Variants in WDPCP observed in about 807,000 individuals in gnomAD.
WDPCP encodes WD repeat containing planar cell polarity effector.
Under a neutral mutation model 93.1 loss-of-function variants are expected in WDPCP, and 71 were observed. The ratio of observed to expected loss-of-function variants is 0.76; its 90% confidence interval spans 0.63 to 0.93. The LOEUF (loss-of-function observed/expected upper bound fraction) is 0.93. Ranked by LOEUF, WDPCP falls within the 40% of genes least tolerant of loss-of-function variation. WDPCP has a pLI of 0.00. For missense variants in WDPCP, 844 were observed against 887.4 expected (o/e 0.95, Z 0.62); for synonymous variants, 315 against 315.0 (o/e 1.00, Z 0.00).
At chr2:63,275,428 G>C (rs1683007663) in intron 13 of WDPCP, among the ~76,000 whole-genome samples, 1 of 152,166 alleles carries the variant, frequency 6.6e-6, no homozygotes, top group Admixed American at 6.5e-5. Flanking sequence ...AGTACTGTAA[G>C]TACTAGCTAG....
chr2:63,178,875 G>A (rs941570292), intron 14 of WDPCP, among the ~76,000 whole-genome samples: 13 of 151,850 alleles, frequency 8.6e-5, no homozygotes, highest in African/African-American at 3.1e-4. Context: ...TTTTCACTGC[G>A]TCTCACAAGT....
rs138060256 is a variant in WDPCP at position 63,312,887 on chromosome 2, C to G, written c.1812+361G>C. Among the ~76,000 whole-genome samples the G allele has an allele frequency of 4.6e-5, 7 of 152,056 alleles. No individual in the cohort carries two copies. In the East Asian group the frequency reaches 1.4e-3, roughly 29 times the overall value. ...CGAGATCTGTGGGACATCTTTTGCC[C>G]TATGTCCTGGATTCTATAGCTTTTC... On this transcript the variant is annotated intron_variant, in intron 13 of 17. Coordinates refer to ENST00000272321, the MANE Select transcript of WDPCP (RefSeq NM_015910.7).
rs1184555928 is a variant in WDPCP, at chr2:63,643,879, CA to C, written n.488+6779del. 3.2e-5 allele frequency: 17 copies of C among 533,450 alleles called. No homozygotes were observed. In the African/African-American group the frequency reaches 3.3e-4, roughly 10 times the overall value. The allele number at this position is 533,450 out of a possible 1,614,324, so 33.0% of individuals were successfully genotyped here. A position where few individuals can be genotyped will look rare whatever the true frequency, so the allele number is the denominator to read the frequency against. ...AAATCTTCTTTACTTCATCTCCTGT[CA>C]AGGCATACTTAAGTCTGTTCCTTAG... On this transcript the variant is annotated intron_variant and non_coding_transcript_variant, in intron 3 of 4. Transcript: ENST00000467687.
intron 2 of WDPCP, among the ~76,000 whole-genome samples, chr2:63,690,590 C>T (rs1668875985): frequency 6.6e-6 from 1 of 151,866 alleles, no homozygotes; most frequent in Non-Finnish European, 1.5e-5. Flanking sequence ...CTCCTCTCTA[C>T]AAAAAATACA....
chr2:63,453,922 C>T (rs544173967), intron 6 of WDPCP, among the ~76,000 whole-genome samples: 25 of 124,370 alleles, frequency 2.0e-4, no homozygotes, highest in South Asian at 1.6e-3. Context: ...GGGTAAGGAA[C>T]GGAACATCAC....
chr2:63,748,289 T>C (rs1669828520), intron 2 of WDPCP, among the ~76,000 whole-genome samples: 1 of 151,854 alleles, frequency 6.6e-6, no homozygotes, highest in Non-Finnish European at 1.5e-5. Context: ...TAATGTTAAA[T>C]AGAAATGGGA....
chr2:63,228,567 T>A (rs1472629313), intron 14 of WDPCP: 3 of 152,040 alleles, frequency 2.0e-5, no homozygotes, highest in Non-Finnish European at 2.9e-5. Context: ...TATCTCCTAA[T>A]GCTATCCCTC....
chr2:63,752,207 T>C (rs1313423885), intron 2 of WDPCP: 2 of 678,058 alleles, frequency 2.9e-6, no homozygotes, highest in East Asian at 5.3e-5. Flanking sequence ...CTTTTTTTTT[T>C]TGCCACTGCC....
At chr2:63,589,778 AAGAG>A (rs1297938118), upstream of WDPCP, among the ~76,000 whole-genome samples, 2 of 152,162 alleles carry the variant, frequency 1.3e-5, no homozygotes, top group African/African-American at 4.8e-5. Context: ...TCTCTGCTGA[AAGAG>A]AGGGGGAGGG....
chr2:63,241,364 T>C (rs1279001800), intron 14 of WDPCP, among the ~76,000 whole-genome samples: 1 of 152,158 alleles, frequency 6.6e-6, no homozygotes, highest in Non-Finnish European at 1.5e-5. Flanking sequence ...GGCAGGAATA[T>C]ACCTAAGTCA....
chr2:63,533,385 C>A (rs1002693559), intron 1 of WDPCP, among the ~76,000 whole-genome samples: 2 of 152,170 alleles, frequency 1.3e-5, no homozygotes, highest in Non-Finnish European at 2.9e-5. Flanking sequence ...GAATTCTCCA[C>A]CCCAGATCAA....
At chr2:63,748,653 C>T (rs1669834660) in intron 2 of WDPCP, among the ~76,000 whole-genome samples, 1 of 152,068 alleles carries the variant, frequency 6.6e-6, no homozygotes, top group Non-Finnish European at 1.5e-5. Context: ...TACTTTGAAG[C>T]TTATCCCTTA....
At chr2:63,621,951 T>G (rs1020846120) in intron 3 of WDPCP, among the ~76,000 whole-genome samples, 2 of 151,902 alleles carry the variant, frequency 1.3e-5, no homozygotes, top group African/African-American at 4.8e-5. Flanking sequence ...TATGTATACA[T>G]GTGCCGTACT....
At position 63,123,995 on chromosome 2, in the gene WDPCP, A is replaced by C. The variant is rs1216850872; in HGVS notation, c.2191-1939T>G. ...ATGGCTGAATTTTATTATTCCATTA[A>C]ATACTATAGCTTTATTTAACCACTC... On this transcript the variant is annotated intron_variant, in intron 17 of 17. Transcript: ENST00000272321. 3.3e-5 allele frequency among the ~76,000 whole-genome samples: 5 copies of C among 151,406 alleles called. No individual in the cohort carries two copies. The East Asian group carries it at 9.6e-4, about 29-fold the overall frequency.
At chr2:63,449,305 G>A (rs1171445027) in intron 6 of WDPCP, among the ~76,000 whole-genome samples, 3 of 152,144 alleles carry the variant, frequency 2.0e-5, no homozygotes, top group African/African-American at 7.2e-5. Context: ...TGTCCAGCTG[G>A]AACTGCAATA....
At chr2:63,771,628 G>T (rs1670227830) in intron 2 of WDPCP, among the ~76,000 whole-genome samples, 1 of 151,748 alleles carries the variant, frequency 6.6e-6, no homozygotes, top group Non-Finnish European at 1.5e-5. Context: ...CTGAGGTTTG[G>T]GGTACAATTG....
chr2:63,146,921 A>G (rs1671555431), intron 17 of WDPCP, among the ~76,000 whole-genome samples: 1 of 152,364 alleles, frequency 6.6e-6, no homozygotes, highest in Admixed American at 6.5e-5. Context: ...ACCTTCTTAG[A>G]ACTTTACTGT....
At chr2:63,168,408 T>C (rs1433026122) in intron 15 of WDPCP, among the ~76,000 whole-genome samples, 2 of 152,148 alleles carry the variant, frequency 1.3e-5, no homozygotes, top group East Asian at 3.9e-4. Context: ...TTCTGAATCA[T>C]TTTATTTAGA....
At chr2:63,607,979 T>A (rs912833739) in intron 3 of WDPCP, among the ~76,000 whole-genome samples, 1 of 152,166 alleles carries the variant, frequency 6.6e-6, no homozygotes, top group African/African-American at 2.4e-5. Flanking sequence ...AAATAGAATA[T>A]AGAAACCCAC....
Sources: gnomAD v4.1 joint callset for allele counts (sites outside exome capture counted in the v4.1 genomes callset) on GRCh38, gnomAD v4.1.1 for gene constraint, MANE v1.5 for transcripts, NCBI Gene and HGNC (gene_info 2026-07-23, HGNC 2026-07-21) for gene names.